The following CACNA2D4 variants were observed in gnomAD, a reference collection of about 807,000 sequenced individuals.
CACNA2D4 encodes voltage-dependent calcium channel subunit alpha-2/delta-4.
In CACNA2D4, 157 loss-of-function variants were observed where a neutral mutation model predicts 163.8. That is an observed-to-expected ratio of 0.96 (90% CI 0.84 to 1.09). The LOEUF (loss-of-function observed/expected upper bound fraction) is 1.09. Ranked by LOEUF, CACNA2D4 falls within the 50% of genes least tolerant of loss-of-function variation. The pLI, the probability that CACNA2D4 is intolerant of heterozygous loss-of-function variation, is 0.00. For synonymous variants in CACNA2D4, 598 were observed against 586.9 expected, an observed-to-expected ratio of 1.02 and a Z score of -0.27; for missense variants, 1,410 against 1,479.9, an observed-to-expected ratio of 0.95 and a Z score of 0.78.
Position 1,802,015 on chromosome 12 carries a change from C to CTGTGTGTGTGTGTG in CACNA2D4, c.2722-385_2722-372dup, listed in dbSNP as rs60739615. ...TATGAAACTGGATTTGTTTTATATGCTGTGTGTGTGTGTGTGTGTGTGTGT... is the reference window on the plus strand; with the variant it reads ...TATGAAACTGGATTTGTTTTATATGCTGTGTGTGTGTGTGTGTGTGTGTGTGTGTGTGTGTGTGT... On this transcript the variant is annotated intron_variant, in intron 29 of 37. Coordinates refer to ENST00000382722, the MANE Select transcript of CACNA2D4 (RefSeq NM_172364.5). This position sits in a 1 kb window ranked among gnomAD's most constrained non-coding sequence, Gnocchi z 4.7. Among the ~76,000 whole-genome samples the CTGTGTGTGTGTGTG allele has an allele frequency of 1.7e-4, 24 of 144,270 alleles. 1 individual carries two copies. The East Asian group carries it at 4.2e-3, about 25-fold the overall frequency. 94.6% of individuals were successfully genotyped at this position (144,270 alleles called of 152,430 possible). A position where few individuals can be genotyped will look rare whatever the true frequency, so the allele number is the denominator to read the frequency against.
chr12:1,795,908 C>T (rs1863109274), intron 35 of CACNA2D4, 128 bp from the exon 36 acceptor site: 3 of 693,530 alleles, frequency 4.3e-6, no homozygotes, highest in East Asian at 5.1e-5. Flanking sequence ...TGAGGCAGGG[C>T]GGGTCGGGGC....
At chr12:1,884,902 C>G in intron 10 of CACNA2D4, 21 bp from the exon 11 acceptor site, 5 of 1,605,312 alleles carry the variant, frequency 3.1e-6, no homozygotes, top group Non-Finnish European at 4.3e-6. Flanking sequence ...AAGAGGAGTG[C>G]CCATGACCAC....
chr12:1,800,729 T>G lies in CACNA2D4; in HGVS notation c.2869-291A>C, dbSNP rs544062409. ...AGCCCTCATCCTGGTGCTGCACTGC[T>G]GAGGATCCCTGGTGATCAAGCGGCA... On this transcript the variant is annotated intron_variant, in intron 31 of 37. Transcript: ENST00000382722. The G allele has an allele frequency of 7.8e-5, 46 of 591,840 alleles. 3 individuals carry two copies. The South Asian group carries it at 9.0e-4, about 12-fold the overall frequency. The allele number at this position is 591,840 out of a possible 1,614,324, so 36.7% of individuals were successfully genotyped here.
chr12:1,882,998 A>C lies in CACNA2D4; in HGVS notation c.1354T>G (p.Tyr452Asp). Residue 452 changes from tyrosine (Y) to aspartate (D), a missense_variant and splice_region_variant, in exon 13 of 38, where the codon TAC becomes GAC. Transcript: ENST00000382722. The stretch of plus-strand genomic sequence containing the variant: ...GCCAGCGTTGAGATCTGCGTGTAGT[A>C]GCCTGCGGTGGGGAAGGCCGCGTGG... ...MKWIACNNKG[Y>D]YTQISTLADT... 6.2e-7 allele frequency: 1 copy of C among 1,612,530 alleles called. No homozygotes were observed. Among genetic ancestry groups the C allele is most frequent in the Non-Finnish European group, 8.5e-7 (1 of 1,179,336 alleles).
At chr12:1,871,129 G>A (rs111492592) in intron 18 of CACNA2D4, among the ~76,000 whole-genome samples, 1 of 149,736 alleles carries the variant, frequency 6.7e-6, no homozygotes, top group Non-Finnish European at 1.5e-5. Context: ...ATATGTACAC[G>A]TGTGTTGCTG....
At chr12:1,859,884 G>A (rs1457511240) in intron 19 of CACNA2D4, among the ~76,000 whole-genome samples, 1 of 152,204 alleles carries the variant, frequency 6.6e-6, no homozygotes, top group African/African-American at 2.4e-5. Flanking sequence ...GGGCTTGCCT[G>A]GGGCCCACAG....
rs1867054249 is a variant in CACNA2D4 at position 1,918,490 on chromosome 12, C to T, written c.-17G>A. On this transcript the variant is annotated 5_prime_UTR_variant, in exon 1 of 38. Coordinates refer to ENST00000382722, the MANE Select transcript of CACNA2D4 (RefSeq NM_172364.5). ...ACAGACCATGAGCTCTGTCTGCCTTCCTCCCAGACCCCAGGACGCCCCAGG... is the reference window on the plus strand; with the variant it reads ...ACAGACCATGAGCTCTGTCTGCCTTTCTCCCAGACCCCAGGACGCCCCAGG... 6.5e-6 allele frequency: 10 copies of T among 1,544,786 alleles called. No individual in the cohort carries two copies. Among genetic ancestry groups the T allele is most frequent in the African/African-American group, 5.5e-5 (4 of 72,974 alleles).
rs1463029117 is a variant in CACNA2D4, at chr12:1,793,422, AC to A, written c.*232del. 3.3e-6 allele frequency: 2 copies of A among 598,330 alleles called. No individual in the cohort carries two copies. The highest frequency in any genetic ancestry group is 6.0e-6 in the Non-Finnish European group (2 of 333,308). 37.1% of individuals were successfully genotyped at this position (598,330 alleles called of 1,614,324 possible). A position where few individuals can be genotyped will look rare whatever the true frequency, so the allele number is the denominator to read the frequency against. ...AGGTCAGAAGTATGCTCATGTTGAG[AC>A]CTAGGGCAGATGGTACCGGGCACCA... On this transcript the variant is annotated 3_prime_UTR_variant, in exon 38 of 38. Transcript: ENST00000382722.
chr12:1,898,829 C>A (rs147591513), intron 6 of CACNA2D4, among the ~76,000 whole-genome samples: 17 of 152,144 alleles, frequency 1.1e-4, no homozygotes, highest in Middle Eastern at 6.8e-3. Flanking sequence ...AAGCCCATCA[C>A]AAAATGACAA....
rs1462928826 is a variant in CACNA2D4 at position 1,799,759 on chromosome 12, G to A, written c.2975-64C>T. The A allele has an allele frequency of 3.0e-5, 47 of 1,546,226 alleles. No homozygotes were observed. Among genetic ancestry groups the A allele is most frequent in the Non-Finnish European group, 3.9e-5 (45 of 1,140,972 alleles). On this transcript the variant is annotated intron_variant, in intron 33 of 37. Transcript: ENST00000382722. This position sits in a 1 kb window ranked among gnomAD's most constrained non-coding sequence, Gnocchi z 4.7. ...ACAGGAAAACATGGTGGCACATGAGGGCAGGATGTCATGGGGTGGTGATGA... is the reference window on the plus strand; with the variant it reads ...ACAGGAAAACATGGTGGCACATGAGAGCAGGATGTCATGGGGTGGTGATGA...
chr12:1,830,243 C>G (rs1288786621), intron 26 of CACNA2D4, among the ~76,000 whole-genome samples: 1 of 152,268 alleles, frequency 6.6e-6, no homozygotes, highest in Non-Finnish European at 1.5e-5. Context: ...TAGCCTGTCA[C>G]TCCCACAGTG....
intron 26 of CACNA2D4, among the ~76,000 whole-genome samples, chr12:1,837,248 G>A (rs940212562): frequency 6.6e-6 from 1 of 152,218 alleles, no homozygotes; most frequent in African/African-American, 2.4e-5. Flanking sequence ...GAGGGCAGTT[G>A]GAGGGGCCTC....
chr12:1,832,406 A>G (rs1259629992), intron 26 of CACNA2D4, among the ~76,000 whole-genome samples: 1 of 152,248 alleles, frequency 6.6e-6, no homozygotes, highest in Admixed American at 6.5e-5. Context: ...AGTCCTCAAT[A>G]AAACGTCCAT....
intron 26 of CACNA2D4, among the ~76,000 whole-genome samples, chr12:1,813,458 C>CT (rs1863776661): frequency 6.6e-6 from 1 of 152,222 alleles, no homozygotes; most frequent in Non-Finnish European, 1.5e-5. Flanking sequence ...AGCCAACAGC[C>CT]ACACGTGGCT....
intron 26 of CACNA2D4, among the ~76,000 whole-genome samples, chr12:1,831,821 C>A (rs903900220): frequency 2.9e-5 from 4 of 136,210 alleles, no homozygotes; most frequent in Admixed American, 8.5e-5. Context: ...ACTCACTGAA[C>A]TGGATCTCCC....
intron 6 of CACNA2D4, among the ~76,000 whole-genome samples, chr12:1,906,771 C>T (rs575164512): frequency 6.6e-6 from 1 of 152,348 alleles, no homozygotes; most frequent in Admixed American, 6.5e-5. Flanking sequence ...CTCTGAGTTC[C>T]CTTGGCACTC....
At chr12:1,826,904 C>T (rs1372879112) in intron 26 of CACNA2D4, among the ~76,000 whole-genome samples, 1 of 152,244 alleles carries the variant, frequency 6.6e-6, no homozygotes, top group Non-Finnish European at 1.5e-5. Context: ...CTCGGCAGCT[C>T]CATCCACCTC....
intron 26 of CACNA2D4, among the ~76,000 whole-genome samples, chr12:1,818,095 C>T (rs1202829354): frequency 2.7e-5 from 4 of 150,842 alleles, no homozygotes; most frequent in African/African-American, 7.4e-5. Flanking sequence ...TCTGCCCCAC[C>T]GCCCCGTCTG....
At chr12:1,851,508 T>G (rs1025402788) in intron 23 of CACNA2D4, among the ~76,000 whole-genome samples, 2 of 152,214 alleles carry the variant, frequency 1.3e-5, no homozygotes, top group Non-Finnish European at 2.9e-5. Context: ...TTTAGATGAG[T>G]TTCCGGATTT....
Sources: gnomAD v4.1 joint callset for allele counts (sites outside exome capture counted in the v4.1 genomes callset) on GRCh38, gnomAD v4.1.1 for gene constraint, Gnocchi (gnomAD v3.1) non-coding constraint, MANE v1.5 for transcripts, NCBI Gene and HGNC (gene_info 2026-07-23, HGNC 2026-07-21) for gene names.